ASIC2: variants seen among roughly 807,000 people sequenced by gnomAD.
ASIC2 encodes acid-sensing ion channel 2.
ASIC2 carries 25 observed loss-of-function variants against 57.3 expected under a neutral mutation model. The ratio of observed to expected loss-of-function variants is 0.44; its 90% CI spans 0.32 to 0.61. ASIC2 has a LOEUF of 0.61. Among genes scored for constraint, ASIC2 ranks in the 20% least tolerant of loss-of-function variants. The probability of loss-of-function intolerance (pLI) is 0.06; values close to 1 mark genes in which losing one functional copy is unlikely to be tolerated. For synonymous variants in ASIC2, 319 were observed against 307.5 expected (o/e 1.04, Z -0.39); for missense variants, 641 against 738.1 (o/e 0.87, Z 1.52).
intron 1 of ASIC2, among the ~76,000 whole-genome samples, chr17:33,241,898 C>T (rs1297370766): frequency 6.6e-6 from 1 of 152,206 alleles, no homozygotes; most frequent in African/African-American, 2.4e-5. Flanking sequence ...AGCAGGCAAT[C>T]GTGGAGGGAT....
chr17:33,480,422 G>A (rs1176997350), intron 1 of ASIC2, among the ~76,000 whole-genome samples: 1 of 152,192 alleles, frequency 6.6e-6, no homozygotes, highest in Non-Finnish European at 1.5e-5. Context: ...AGAAGAGACT[G>A]GGGTGGAGTC....
intron 1 of ASIC2, among the ~76,000 whole-genome samples, chr17:33,176,105 A>G (rs529573319): frequency 7.9e-5 from 12 of 152,086 alleles, no homozygotes; most frequent in Admixed American, 2.6e-4. Flanking sequence ...TCTAGTGAAC[A>G]TTTCTTCATC....
intron 2 of ASIC2, among the ~76,000 whole-genome samples, chr17:33,096,784 G>A (rs1489053376): frequency 6.6e-6 from 1 of 152,212 alleles, no homozygotes; most frequent in Non-Finnish European, 1.5e-5. Context: ...AGAATGAAGT[G>A]AGCAATGAGC....
chr17:33,067,018 A>C (rs1335219513), intron 3 of ASIC2, among the ~76,000 whole-genome samples: 1 of 152,188 alleles, frequency 6.6e-6, no homozygotes, highest in Non-Finnish European at 1.5e-5. Flanking sequence ...GTTAGTTACC[A>C]AGCAGGCCTG....
Position 33,292,841 on chromosome 17 carries a change from G to C in ASIC2, c.-726C>G. 1 of 985,554 alleles carries C rather than the reference G, an allele frequency of 1.0e-6. No individual in the cohort carries two copies. The allele number at this position is 985,554 out of a possible 1,614,324, so 61.1% of individuals were successfully genotyped here. ...CAGAGACCTGCTTAGGCTTCCCCAAGTCCTGCGCCTAAGTCCTGCCAGGCG... is the reference window on the plus strand; with the variant it reads ...CAGAGACCTGCTTAGGCTTCCCCAACTCCTGCGCCTAAGTCCTGCCAGGCG... On this transcript the variant is annotated 5_prime_UTR_variant, in exon 1 of 10. Coordinates refer to ENST00000225823, the MANE Select transcript of ASIC2 (RefSeq NM_183377.2).
At chr17:33,784,653 T>C (rs1224720399) in intron 1 of ASIC2, among the ~76,000 whole-genome samples, 1 of 152,216 alleles carries the variant, frequency 6.6e-6, no homozygotes, top group African/African-American at 2.4e-5. Flanking sequence ...AAATTACTAA[T>C]GAAGATATTT....
intron 1 of ASIC2, among the ~76,000 whole-genome samples, chr17:33,372,396 A>T (rs907139054): frequency 1.3e-5 from 2 of 152,114 alleles, no homozygotes; most frequent in Non-Finnish European, 2.9e-5. Flanking sequence ...AGGACATAGG[A>T]TCAAAGCTCT....
chr17:33,186,660 G>C (rs1906208382), intron 1 of ASIC2, among the ~76,000 whole-genome samples: 1 of 152,150 alleles, frequency 6.6e-6, no homozygotes, highest in East Asian at 1.9e-4. Context: ...GTTTTGCAAA[G>C]GGGGCGAGAG....
intron 1 of ASIC2, among the ~76,000 whole-genome samples, chr17:33,777,414 T>A (rs1911318505): frequency 6.6e-6 from 1 of 152,210 alleles, no homozygotes; most frequent in South Asian, 2.1e-4. Context: ...GGGATTCTGG[T>A]GTGAAGTTGC....
At chr17:34,055,731 G>A (rs937263613) in intron 1 of ASIC2, among the ~76,000 whole-genome samples, 2 of 152,104 alleles carry the variant, frequency 1.3e-5, no homozygotes, top group Non-Finnish European at 2.9e-5. Context: ...AAACTGATTA[G>A]TATTCCGTTG....
intron 1 of ASIC2, among the ~76,000 whole-genome samples, chr17:33,367,390 C>T (rs1908853637): frequency 6.6e-6 from 1 of 152,120 alleles, no homozygotes; most frequent in Admixed American, 6.5e-5. Flanking sequence ...CGTTTCACCT[C>T]TCCCTTGAAG....
intron 1 of ASIC2, among the ~76,000 whole-genome samples, chr17:33,156,743 G>C (rs188713007): frequency 6.6e-6 from 1 of 152,020 alleles, no homozygotes; most frequent in Non-Finnish European, 1.5e-5. Flanking sequence ...GCGACAGAGC[G>C]AGACTCCATT....
intron 1 of ASIC2, among the ~76,000 whole-genome samples, chr17:33,839,562 G>T (rs868410688): frequency 6.6e-6 from 1 of 152,060 alleles, no homozygotes; most frequent in Non-Finnish European, 1.5e-5. Flanking sequence ...TTGATTGCTC[G>T]CTCTAGGGTG....
At chr17:33,190,983 C>T (rs898398713) in intron 1 of ASIC2, among the ~76,000 whole-genome samples, 3 of 152,104 alleles carry the variant, frequency 2.0e-5, no homozygotes, top group African/African-American at 7.2e-5. Flanking sequence ...AGTATTTACC[C>T]AAGGGAAAGA....
At chr17:34,012,260 T>A (rs1372748408) in intron 1 of ASIC2, among the ~76,000 whole-genome samples, 5 of 152,036 alleles carry the variant, frequency 3.3e-5, no homozygotes, top group Non-Finnish European at 5.9e-5. Flanking sequence ...TGCCTCCAAT[T>A]GTAACATGCC....
chr17:33,968,003 T>C (rs1905122477), intron 1 of ASIC2, among the ~76,000 whole-genome samples: 1 of 152,204 alleles, frequency 6.6e-6, no homozygotes, highest in Admixed American at 6.5e-5. Flanking sequence ...CTGCTATTAT[T>C]ACCCCCATTT....
intron 1 of ASIC2, among the ~76,000 whole-genome samples, chr17:33,868,695 C>T (rs406964): frequency 0.68 from 103,481 of 151,602 alleles, 36,346 homozygotes; most frequent in Admixed American, 0.8. Flanking sequence ...TTGTAAATCA[C>T]GTACCTAATC....
chr17:33,020,458 C>T (rs16577), intron 7 of ASIC2, among the ~76,000 whole-genome samples: 118 of 152,278 alleles, frequency 7.7e-4, no homozygotes, highest in African/African-American at 2.4e-3. Flanking sequence ...ATTTCTCTTT[C>T]TGGTTTACAG....
At chr17:34,147,048 C>A (rs957323896) in intron 1 of ASIC2, 1 of 152,144 alleles carries the variant, frequency 6.6e-6, no homozygotes, top group Admixed American at 6.5e-5. Context: ...ATTAAACAAA[C>A]AAATAAATAG....
Sources: allele counts gnomAD v4.1 joint callset (sites outside exome capture counted in the v4.1 genomes callset), GRCh38; gene constraint gnomAD v4.1.1; transcripts MANE v1.5; gene names NCBI Gene and HGNC (gene_info 2026-07-23, HGNC 2026-07-21).